NEK1: variants seen among roughly 807,000 people sequenced by gnomAD.
The protein encoded by NEK1 is serine/threonine-protein kinase Nek1.
A neutral mutation model predicts 182.1 loss-of-function variants in NEK1; 137 were observed. The ratio of observed to expected loss-of-function variants is 0.75; its 90% CI spans 0.65 to 0.87. The LOEUF is 0.87. NEK1 is among the 40% of genes least tolerant of loss of function. The probability of loss-of-function intolerance (pLI) is 0.00; values close to 1 mark genes in which losing one functional copy is unlikely to be tolerated. For missense variants in NEK1, 1,391 were observed against 1,494.4 expected, an observed-to-expected ratio of 0.93 and a Z score of 1.14; for synonymous variants, 513 against 492.2, an observed-to-expected ratio of 1.04 and a Z score of -0.56.
intron 5 of NEK1, among the ~76,000 whole-genome samples, chr4:169,597,197 T>C (rs181584700): frequency 1.3e-5 from 2 of 152,338 alleles, no homozygotes; most frequent in African/African-American, 4.8e-5. Context: ...CATACATTAC[T>C]ATTTGACCTT....
chr4:169,546,436 T>G (rs1760468837), intron 18 of NEK1, among the ~76,000 whole-genome samples: 1 of 152,334 alleles, frequency 6.6e-6, no homozygotes, highest in East Asian at 1.9e-4. Flanking sequence ...TGCTATGTGG[T>G]GCTGAGAAGA....
intron 19 of NEK1, among the ~76,000 whole-genome samples, chr4:169,526,182 A>G (rs539098443): frequency 1.8e-4 from 28 of 152,302 alleles, no homozygotes; most frequent in Admixed American, 1.6e-3. Flanking sequence ...ATACAGGGAA[A>G]ATTTTAAATT....
At chr4:169,602,151 C>G in intron 3 of NEK1, 47 bp from the exon 4 acceptor site, 1 of 1,375,622 alleles carries the variant, frequency 7.3e-7, no homozygotes, top group Non-Finnish European at 1.0e-6. Context: ...CATTAATAAA[C>G]AACCTAAAAG....
At position 169,393,858 on chromosome 4, in the gene NEK1, T is replaced by A. The variant is rs1477185018; in HGVS notation, c.*652A>T. 6.6e-6 allele frequency: 1 copy of A among 152,198 alleles called. No individual in the cohort carries two copies. Among genetic ancestry groups the A allele is most frequent in the African/African-American group, 2.4e-5 (1 of 41,458 alleles). The allele number at this position is 152,198 out of a possible 1,614,324, so 9.4% of individuals were successfully genotyped here. ...AAAGGCATTAAACCAACTTTTTATATGTCAAGAAATATAATTTTGCTATTC... is the reference window on the plus strand; with the variant it reads ...AAAGGCATTAAACCAACTTTTTATAAGTCAAGAAATATAATTTTGCTATTC... On this transcript the variant is annotated 3_prime_UTR_variant, in exon 36 of 36. Coordinates refer to ENST00000507142, the MANE Select transcript of NEK1 (RefSeq NM_001199397.3).
At chr4:169,593,268 C>A (rs1276872125) in intron 5 of NEK1, among the ~76,000 whole-genome samples, 1 of 152,112 alleles carries the variant, frequency 6.6e-6, no homozygotes, top group Non-Finnish European at 1.5e-5. Flanking sequence ...CAACTCAAGT[C>A]TTCCATTATA....
chr4:169,493,494 G>A (rs532749487), intron 23 of NEK1, among the ~76,000 whole-genome samples: 121 of 152,232 alleles, frequency 7.9e-4, no homozygotes, highest in Non-Finnish European at 1.5e-3. Flanking sequence ...TTGATGGCAA[G>A]GAAACTCCAC....
rs1770680062 is a variant in NEK1 at position 169,602,575 on chromosome 4, A to G, written c.56T>C (p.Ile19Thr). 1 of 1,610,104 alleles carries G rather than the reference A, an allele frequency of 6.2e-7. No individual in the cohort carries two copies. The highest frequency in any genetic ancestry group is 8.5e-7 in the Non-Finnish European group (1 of 1,176,968). ...GCCATCTTCTGTAGATTTAACAAGA[A>G]TGGCTTTTCCAAATGAACCTTCTCC... The part of the protein sequence containing the change: ...KIGEGSFGKA[I>T]LVKSTEDGRQ... Residue 19 changes from isoleucine (I) to threonine (T), a missense_variant, in exon 3 of 36, where the codon ATT becomes ACT. Coordinates refer to ENST00000507142, the MANE Select transcript of NEK1 (RefSeq NM_001199397.3).
intron 18 of NEK1, among the ~76,000 whole-genome samples, chr4:169,541,501 A>G (rs1759408374): frequency 6.6e-6 from 1 of 152,166 alleles, no homozygotes; most frequent in Admixed American, 6.6e-5. Flanking sequence ...ACTACCATAA[A>G]GAAGAAACAG....
At chr4:169,588,105 A>G (rs1767826116) in intron 8 of NEK1, among the ~76,000 whole-genome samples, 1 of 152,164 alleles carries the variant, frequency 6.6e-6, no homozygotes, top group African/African-American at 2.4e-5. Flanking sequence ...CACATATTAT[A>G]TAGTCTGCTA....
Position 169,580,896 on chromosome 4 carries a change from C to A in NEK1, c.814G>T (p.Ala272Ser). 6.6e-7 allele frequency: 1 copy of A among 1,516,326 alleles called. No individual in the cohort carries two copies. Among genetic ancestry groups the A allele is most frequent in the Non-Finnish European group, 8.9e-7 (1 of 1,122,854 alleles). The allele number at this position is 1,516,326 out of a possible 1,614,324, so 93.9% of individuals were successfully genotyped here. The change falls in exon 11 of 36, where the codon GCA (alanine) becomes TCA (serine). Residue 272 changes from alanine (A) to serine (S), a missense_variant. By Grantham distance (99) the Ala-to-Ser change is moderately conservative. Transcript: ENST00000507142. ...AATGTTTTTAGACAAAATTCTTCTG[C>A]AATAAGCTGAGATTGAAAGAGAAAA... ...IEKFLSPQLIAEEFCLKTFSK... is the reference protein window; with the variant it reads ...IEKFLSPQLISEEFCLKTFSK...
At position 169,550,572 on chromosome 4, in the gene NEK1, A is replaced by G. The variant is rs78132061; in HGVS notation, c.1562+5148T>C. Among the ~76,000 whole-genome samples the G allele has an allele frequency of 4.8e-4, 73 of 152,302 alleles. No individual in the cohort carries two copies. The East Asian group carries it at 0.014, about 29-fold the overall frequency. On this transcript the variant is annotated intron_variant, in intron 18 of 35. Transcript: ENST00000507142. The stretch of plus-strand genomic sequence containing the variant: ...AAAATAATAATTCCTGCCTCACAGT[A>G]TTGGTGATGATTAAATGAGTTAATA...
chr4:169,400,635 T>A lies in NEK1; in HGVS notation c.3600A>T (p.Glu1200Asp). The change falls in exon 34 of 36, where the codon GAA (glutamate) becomes GAT (aspartate). Residue 1200 changes from glutamate (E) to aspartate (D), a missense_variant. Physicochemically the swap from Glu to Asp is conservative, Grantham distance 45 (BLOSUM62 2). Coordinates refer to ENST00000507142, the MANE Select transcript of NEK1 (RefSeq NM_001199397.3). ...EEWHSDNSDG[E>D]IASECECDSV... ...TATCGCATTCACATTCACTAGCAATTTCACCATCACTGTTATCTAAAAAAC... is the reference window on the plus strand; with the variant it reads ...TATCGCATTCACATTCACTAGCAATATCACCATCACTGTTATCTAAAAAAC... 1 of 1,593,338 alleles carries A rather than the reference T, an allele frequency of 6.3e-7. No individual in the cohort carries two copies. The highest frequency in any genetic ancestry group is 2.2e-5 in the East Asian group (1 of 44,460).
chr4:169,580,792 G>C (rs749008622), intron 11 of NEK1, 50 bp downstream of exon 11: 4 of 1,065,626 alleles, frequency 3.8e-6, no homozygotes, highest in African/African-American at 1.6e-5. Context: ...AGTTTAATTA[G>C]GGTTGATTAT....
At chr4:169,598,990 C>A in intron 5 of NEK1, 110 bp downstream of exon 5, 1 of 749,764 alleles carries the variant, frequency 1.3e-6, no homozygotes. Flanking sequence ...ACTAAACTTC[C>A]CTAGTAATTT....
At chr4:169,544,248 T>C (rs1759970778) in intron 18 of NEK1, among the ~76,000 whole-genome samples, 1 of 152,224 alleles carries the variant, frequency 6.6e-6, no homozygotes, top group Non-Finnish European at 1.5e-5. Flanking sequence ...TCATTAGTTC[T>C]GTTTATGTGA....
intron 31 of NEK1, among the ~76,000 whole-genome samples, chr4:169,409,555 G>A (rs1733287610): frequency 6.6e-6 from 1 of 152,132 alleles, no homozygotes; most frequent in Admixed American, 6.5e-5. Context: ...GATCACTTGA[G>A]GTCAGGAGTT....
chr4:169,538,492 TTC>T (rs1289031279), intron 18 of NEK1, among the ~76,000 whole-genome samples: 1 of 152,192 alleles, frequency 6.6e-6, no homozygotes, highest in Non-Finnish European at 1.5e-5. Context: ...TTTTGTGTCT[TTC>T]TCTGACAATT....
At chr4:169,487,128 A>G (rs1283569937) in intron 23 of NEK1, among the ~76,000 whole-genome samples, 1 of 152,210 alleles carries the variant, frequency 6.6e-6, no homozygotes, top group Non-Finnish European at 1.5e-5. Flanking sequence ...ATATACTGCC[A>G]AAGAATCACA....
chr4:169,515,500 CTTT>C (rs199732218), intron 19 of NEK1, among the ~76,000 whole-genome samples: 16,469 of 141,606 alleles, frequency 0.12, 950 homozygotes, highest in East Asian at 0.17. Context: ...GCAATAACTT[CTTT>C]TTTTTTTTTT....
Sources: gnomAD v4.1 joint callset for allele counts (sites outside exome capture counted in the v4.1 genomes callset) on GRCh38, gnomAD v4.1.1 for gene constraint, MANE v1.5 for transcripts, NCBI Gene and HGNC (gene_info 2026-07-23, HGNC 2026-07-21) for gene names.